RCOR3: variants seen among roughly 807,000 people sequenced by gnomAD.
RCOR3 encodes the protein REST corepressor 3.
A neutral mutation model predicts 64.1 loss-of-function variants in RCOR3; 13 were observed. The observed-to-expected ratio is 0.20, with a 90% CI of 0.13 to 0.32. The LOEUF (loss-of-function observed/expected upper bound fraction) is 0.32. RCOR3 is among the 10% of genes least tolerant of loss of function. RCOR3 has a pLI of 1.00. For missense variants in RCOR3, 489 were observed against 701.2 expected (o/e 0.70, Z 3.42); for synonymous variants, 215 against 239.0 (o/e 0.90, Z 0.93).
chr1:211,261,052 C>T (rs1468362399), intron 2 of RCOR3: 1 of 152,234 alleles, frequency 6.6e-6, no homozygotes, highest in Non-Finnish European at 1.5e-5. Context: ...CTGCCTGAGA[C>T]CCTTCTCAGT....
chr1:211,282,324 G>C (rs991964085), intron 7 of RCOR3, among the ~76,000 whole-genome samples: 4 of 152,054 alleles, frequency 2.6e-5, no homozygotes, highest in African/African-American at 9.7e-5. Context: ...CTACATTATT[G>C]CTTTTAATAT....
chr1:211,304,990 G>T (rs1443971658), intron 10 of RCOR3, among the ~76,000 whole-genome samples: 1 of 151,762 alleles, frequency 6.6e-6, no homozygotes, highest in African/African-American at 2.4e-5. Flanking sequence ...TTTAATCTAG[G>T]TTAACTACTG....
At chr1:211,288,073 A>G (rs1280350902) in intron 7 of RCOR3, among the ~76,000 whole-genome samples, 1 of 151,898 alleles carries the variant, frequency 6.6e-6, no homozygotes, top group African/African-American at 2.4e-5. Context: ...AGCCAGGCAT[A>G]ATGGCACACA....
rs1032855356 is a variant in RCOR3 at position 211,313,942 on chromosome 1, C to G, written c.*174C>G. On this transcript the variant is annotated 3_prime_UTR_variant, in exon 12 of 12. Transcript: ENST00000419091. This position sits in a 1 kb window ranked among gnomAD's most constrained non-coding sequence, Gnocchi z 4.7. ...CTAAGAAATTTTTCAGTTCACTAGA[C>G]TAAAATGTTTTACAACAAAAAGCCT... The G allele has an allele frequency of 4.7e-6, 3 of 635,512 alleles. No homozygotes were observed. The highest frequency in any genetic ancestry group is 8.0e-6 in the Non-Finnish European group (3 of 373,642). 39.4% of individuals were successfully genotyped at this position (635,512 alleles called of 1,614,324 possible).
intron 2 of RCOR3, chr1:211,261,301 A>C (rs1694232071): frequency 6.6e-6 from 1 of 152,098 alleles, no homozygotes; most frequent in South Asian, 2.1e-4. Flanking sequence ...ATATTTACCA[A>C]CCATTTGGAT....
At chr1:211,273,563 T>C (rs1696539367) in intron 3 of RCOR3, among the ~76,000 whole-genome samples, 1 of 152,242 alleles carries the variant, frequency 6.6e-6, no homozygotes, top group Admixed American at 6.5e-5. Flanking sequence ...TTCTCAGCAA[T>C]GAGGCCTTGA....
chr1:211,304,013 A>T (rs1477795311), intron 9 of RCOR3, 70 bp from the exon 10 acceptor site: 1 of 1,055,544 alleles, frequency 9.5e-7, no homozygotes, highest in Non-Finnish European at 1.4e-6. Context: ...ATGAAAATTT[A>T]AAAAAATAAG....
At chr1:211,284,659 AG>A (rs1698285263) in intron 7 of RCOR3, among the ~76,000 whole-genome samples, 1 of 152,108 alleles carries the variant, frequency 6.6e-6, no homozygotes, top group Non-Finnish European at 1.5e-5. Context: ...CTGGGACTAC[AG>A]GCATGCACCA....
intron 3 of RCOR3, among the ~76,000 whole-genome samples, chr1:211,273,923 A>G (rs1696599345): frequency 6.6e-6 from 1 of 152,182 alleles, no homozygotes; most frequent in Non-Finnish European, 1.5e-5. Context: ...TTGGCTACCC[A>G]TAGATTGGTC....
chr1:211,275,399 A>G (rs947245116), intron 4 of RCOR3, among the ~76,000 whole-genome samples: 2 of 152,002 alleles, frequency 1.3e-5, no homozygotes, highest in African/African-American at 4.8e-5. Flanking sequence ...TTTCTGTTTA[A>G]TGTTTGAGAA....
chr1:211,285,703 T>C (rs1698436550), intron 7 of RCOR3, among the ~76,000 whole-genome samples: 1 of 152,258 alleles, frequency 6.6e-6, no homozygotes, highest in Admixed American at 6.5e-5. Context: ...AACAAGGTTT[T>C]ATATATGTCC....
rs1038121829 is a variant in RCOR3 at position 211,305,280 on chromosome 1, G to C, written c.1075+1140G>C. ...ATAAAGAATTGATACTATGACACAG[G>C]GTGCTGGATGTGCATTGGGCACATC... is the stretch of plus-strand genomic sequence containing the variant. On this transcript the variant is annotated intron_variant, in intron 10 of 11. Coordinates refer to ENST00000419091, the MANE Select transcript of RCOR3 (RefSeq NM_001136223.3). Among the ~76,000 whole-genome samples, 147 of 152,120 alleles carry C rather than the reference G, an allele frequency of 9.7e-4. 1 individual carries two copies. Among genetic ancestry groups the C allele is most frequent in the African/African-American group, 3.5e-3 (143 of 41,414 alleles).
chr1:211,309,010 C>T (rs1477507173), intron 10 of RCOR3, among the ~76,000 whole-genome samples: 1 of 149,912 alleles, frequency 6.7e-6, no homozygotes, highest in Non-Finnish European at 1.5e-5. Flanking sequence ...CCATGCCTGG[C>T]CCCAAAATCA....
intron 7 of RCOR3, among the ~76,000 whole-genome samples, chr1:211,282,810 G>A (rs886755933): frequency 6.6e-6 from 1 of 151,980 alleles, no homozygotes; most frequent in Non-Finnish European, 1.5e-5. Flanking sequence ...CAATTGCATA[G>A]TCTCACCTTC....
chr1:211,277,352 TG>T (rs1358799812), intron 5 of RCOR3, among the ~76,000 whole-genome samples: 3 of 152,070 alleles, frequency 2.0e-5, no homozygotes, highest in Non-Finnish European at 2.9e-5. Flanking sequence ...ACATTTTTGG[TG>T]GGGAAGTTGC....
At position 211,276,397 on chromosome 1, in the gene RCOR3, C is replaced by T; in HGVS notation, c.495C>T (p.Ser165=). The change falls in exon 5 of 12, where the codon AGC becomes AGT. Residue 165 remains serine, a synonymous_variant. Transcript: ENST00000419091. ...AAGCCTTTAGTTTTCATGGAAAGAGCTTTCACAGGATTCAGCAAATGGTAT... is the reference window on the plus strand; with the variant it reads ...AAGCCTTTAGTTTTCATGGAAAGAGTTTTCACAGGATTCAGCAAATGGTAT... ...FEQAFSFHGK[S]FHRIQQMLPD... is the part of the protein sequence containing the mutation. 6.2e-7 allele frequency: 1 copy of T among 1,612,968 alleles called. No individual in the cohort carries two copies. The highest frequency in any genetic ancestry group is 8.5e-7 in the Non-Finnish European group (1 of 1,179,302).
At chr1:211,280,837 G>A (rs1697689212) in intron 7 of RCOR3, among the ~76,000 whole-genome samples, 1 of 152,022 alleles carries the variant, frequency 6.6e-6, no homozygotes. Flanking sequence ...TACAAAATTA[G>A]CCGGGGCGTG....
intron 2 of RCOR3, among the ~76,000 whole-genome samples, chr1:211,268,785 A>G (rs1695667282): frequency 6.6e-6 from 1 of 152,196 alleles, no homozygotes; most frequent in African/African-American, 2.4e-5. Flanking sequence ...ATATGACAAA[A>G]TACAAAAGGC....
At position 211,279,235 on chromosome 1, in the gene RCOR3, C is replaced by A; in HGVS notation, c.642-3C>A. Reference sequence around the variant, plus strand: ...AAGTGTACTAATTTTTGTTTCTTCTCAGTGATGATGATGTAGAAGAAACAC... The same window carrying A: ...AAGTGTACTAATTTTTGTTTCTTCTAAGTGATGATGATGTAGAAGAAACAC... On this transcript the variant is annotated splice_region_variant and splice_polypyrimidine_tract_variant and intron_variant, in intron 6 of 11. Coordinates refer to ENST00000419091, the MANE Select transcript of RCOR3 (RefSeq NM_001136223.3). The A allele has an allele frequency of 6.3e-7, 1 of 1,578,954 alleles. No individual in the cohort carries two copies. Among genetic ancestry groups the A allele is most frequent in the Non-Finnish European group, 8.6e-7 (1 of 1,161,146 alleles).
Sources: allele counts gnomAD v4.1 joint callset (sites outside exome capture counted in the v4.1 genomes callset), GRCh38; gene constraint gnomAD v4.1.1; non-coding constraint Gnocchi (gnomAD v3.1); transcripts MANE v1.5; gene names NCBI Gene and HGNC (gene_info 2026-07-23, HGNC 2026-07-21).